FTO: variants seen among roughly 807,000 people sequenced by gnomAD.
The protein encoded by FTO is FTO alpha-ketoglutarate dependent dioxygenase, also known as alpha-ketoglutarate-dependent dioxygenase FTO.
In FTO, 47 loss-of-function variants were observed where a neutral mutation model predicts 63.9. The observed-to-expected ratio is 0.74, with a 90% CI of 0.58 to 0.94. The LOEUF (loss-of-function observed/expected upper bound fraction) is 0.94. Ranked by LOEUF, FTO falls within the 40% of genes least tolerant of loss-of-function variation. The pLI, the probability that FTO is intolerant of heterozygous loss-of-function variation, is 0.00. For missense variants in FTO, 562 were observed against 618.1 expected, an observed-to-expected ratio of 0.91 and a Z score of 0.96; for synonymous variants, 207 against 224.4, an observed-to-expected ratio of 0.92 and a Z score of 0.69.
chr16:54,003,269 T>C (rs2084112636), intron 8 of FTO, among the ~76,000 whole-genome samples: 1 of 152,226 alleles, frequency 6.6e-6, no homozygotes, highest in East Asian at 1.9e-4. Flanking sequence ...CTCCAGGAGC[T>C]GTTGGTATGA....
intron 8 of FTO, among the ~76,000 whole-genome samples, chr16:54,015,504 TCCATGGCACAAATGC>T (rs11271731): frequency 0.52 from 79,334 of 151,598 alleles, 23,282 homozygotes; most frequent in African/African-American, 0.79. Flanking sequence ...TAAAGCTATC[TCCATGGCACAAATGC>T]CCATGGCACA....
chr16:54,058,959 G>A (rs1163896161), intron 8 of FTO, among the ~76,000 whole-genome samples: 2 of 152,162 alleles, frequency 1.3e-5, no homozygotes, highest in African/African-American at 4.8e-5. Flanking sequence ...GATATTGCCT[G>A]TCCTTCAGAT....
At chr16:53,971,105 C>A (rs2083307238) in intron 8 of FTO, among the ~76,000 whole-genome samples, 2 of 152,124 alleles carry the variant, frequency 1.3e-5, no homozygotes. Context: ...GAAGCAGTTT[C>A]TTTATATGAT....
At chr16:53,935,763 C>A (rs1327519727) in intron 8 of FTO, 1 of 152,020 alleles carries the variant, frequency 6.6e-6, no homozygotes, top group Non-Finnish European at 1.5e-5. Context: ...ATTTACCTTT[C>A]AATAATTAAT....
At chr16:53,973,879 A>G (rs2083383047) in intron 8 of FTO, among the ~76,000 whole-genome samples, 1 of 152,244 alleles carries the variant, frequency 6.6e-6, no homozygotes, top group South Asian at 2.1e-4. Context: ...AAATAAGTGT[A>G]AAATGAGTGA....
chr16:53,913,607 G>A (rs138492935), intron 7 of FTO, among the ~76,000 whole-genome samples: 15 of 152,180 alleles, frequency 9.9e-5, no homozygotes, highest in Middle Eastern at 6.8e-3. Flanking sequence ...GTTTCACCTC[G>A]CTATGACTTC....
intron 2 of FTO, among the ~76,000 whole-genome samples, chr16:53,815,319 C>T (rs930743483): frequency 2.0e-5 from 3 of 152,100 alleles, no homozygotes; most frequent in African/African-American, 4.8e-5. Context: ...GAAAGCTCAC[C>T]ACCCTCAACT....
At chr16:53,742,202 G>A (rs779319324) in intron 1 of FTO, among the ~76,000 whole-genome samples, 6 of 152,104 alleles carry the variant, frequency 3.9e-5, no homozygotes, top group Non-Finnish European at 7.3e-5. Flanking sequence ...AGGGATTATT[G>A]AGGGTCTTCT....
intron 8 of FTO, among the ~76,000 whole-genome samples, chr16:54,102,487 G>A (rs2086660945): frequency 6.6e-6 from 1 of 152,164 alleles, no homozygotes. Flanking sequence ...GAGAAAGGAG[G>A]ATCACTTGAG....
At chr16:53,712,805 C>T (rs189758340) in intron 1 of FTO, among the ~76,000 whole-genome samples, 31 of 152,120 alleles carry the variant, frequency 2.0e-4, no homozygotes, top group African/African-American at 6.8e-4. Context: ...TTGAGAGAGT[C>T]CAGCATCTGT....
Position 54,119,389 on chromosome 16 carries a change from TATAACTC to T in FTO, c.*7477_*7483del, listed in dbSNP as rs1383441045. The T allele has an allele frequency of 6.6e-6, 1 of 152,228 alleles. No individual in the cohort carries two copies. Among genetic ancestry groups the T allele is most frequent in the African/African-American group, 2.4e-5 (1 of 41,452 alleles). 9.4% of individuals were successfully genotyped at this position (152,228 alleles called of 1,614,324 possible). A position where few individuals can be genotyped will look rare whatever the true frequency, so the allele number is the denominator to read the frequency against. ...TTCTCAGACAGCCAAAGCCGTGGCT[TATAACTC>T]ATCCAACCCAGAAAACTGGACCGCT... On this transcript the variant is annotated 3_prime_UTR_variant, in exon 9 of 9. Coordinates refer to ENST00000471389, the MANE Select transcript of FTO (RefSeq NM_001080432.3).
At chr16:54,084,520 T>C (rs1005441446) in intron 8 of FTO, among the ~76,000 whole-genome samples, 1 of 152,176 alleles carries the variant, frequency 6.6e-6, no homozygotes, top group Non-Finnish European at 1.5e-5. Flanking sequence ...ACATGGGGAC[T>C]TAAACAGTGT....
chr16:54,109,861 C>T (rs759294367), intron 8 of FTO, among the ~76,000 whole-genome samples: 14 of 152,060 alleles, frequency 9.2e-5, no homozygotes, highest in East Asian at 5.8e-4. Context: ...CTAGGTGGAT[C>T]GACACTTATC....
intron 1 of FTO, among the ~76,000 whole-genome samples, chr16:53,741,298 G>T (rs1020397726): frequency 1.3e-5 from 2 of 152,140 alleles, no homozygotes; most frequent in Non-Finnish European, 2.9e-5. Flanking sequence ...CTTTTTCTGT[G>T]CATTTGCGTG....
chr16:53,950,816 T>C (rs565242570), intron 8 of FTO, among the ~76,000 whole-genome samples: 2 of 152,352 alleles, frequency 1.3e-5, no homozygotes, highest in African/African-American at 4.8e-5. Context: ...CATAGTTAAT[T>C]ATCCGTGGAT....
chr16:53,804,974 T>C (rs2151723539), intron 1 of FTO, among the ~76,000 whole-genome samples: 1 of 152,284 alleles, frequency 6.6e-6, no homozygotes, highest in South Asian at 2.1e-4. Context: ...AGCACCCTGC[T>C]TAAGGACTAG....
intron 2 of FTO, among the ~76,000 whole-genome samples, chr16:53,822,888 C>T (rs969303045): frequency 1.3e-5 from 2 of 152,126 alleles, no homozygotes; most frequent in Non-Finnish European, 2.9e-5. Flanking sequence ...GTTATTCACT[C>T]TCTCTGCATC....
At chr16:53,745,967 A>G (rs2076641197) in intron 1 of FTO, among the ~76,000 whole-genome samples, 3 of 152,120 alleles carry the variant, frequency 2.0e-5, no homozygotes, top group African/African-American at 7.2e-5. Context: ...TTATATACTT[A>G]TACCTTAGCA....
chr16:53,709,161 A>G (rs1228840745), intron 1 of FTO, among the ~76,000 whole-genome samples: 2 of 152,150 alleles, frequency 1.3e-5, no homozygotes, highest in East Asian at 3.8e-4. Flanking sequence ...GAAATAACTT[A>G]GATCATATTT....
Sources: allele counts gnomAD v4.1 joint callset (sites outside exome capture counted in the v4.1 genomes callset), GRCh38; gene constraint gnomAD v4.1.1; transcripts MANE v1.5; gene names NCBI Gene and HGNC (gene_info 2026-07-23, HGNC 2026-07-21).